KDM4C: variants seen among roughly 807,000 people sequenced by gnomAD.
The protein encoded by KDM4C is lysine-specific demethylase 4C.
A neutral mutation model predicts 129.3 loss-of-function variants in KDM4C; 81 were observed. That is an observed-to-expected ratio of 0.63 (90% CI 0.52 to 0.75). KDM4C has a LOEUF of 0.75. Ranked by LOEUF, KDM4C falls within the 30% of genes least tolerant of loss-of-function variation. KDM4C has a pLI of 0.00. For missense variants in KDM4C, 1,457 were observed against 1,304.0 expected, an observed-to-expected ratio of 1.12 and a Z score of -1.81; for synonymous variants, 573 against 456.1, an observed-to-expected ratio of 1.26 and a Z score of -3.26.
At position 6,805,089 on chromosome 9, in the gene KDM4C, C is replaced by T. The variant is rs191098492; in HGVS notation, c.145-510C>T. On this transcript the variant is annotated intron_variant, in intron 2 of 21. Transcript: ENST00000381309. ...CTAATTTTTGTATTTTTAGTAGAGG[C>T]GGGGTTTCACCATGTTATCCAGGTT... is the stretch of plus-strand genomic sequence containing the variant. Among the ~76,000 whole-genome samples, 309 of 152,056 alleles carry T rather than the reference C, an allele frequency of 2.0e-3. 3 individuals are homozygous for T. Among genetic ancestry groups the T allele is most frequent in the Non-Finnish European group, 3.4e-3 (229 of 67,960 alleles).
At chr9:6,760,425 C>T (rs115370141) in intron 1 of KDM4C, among the ~76,000 whole-genome samples, 4,175 of 143,830 alleles carry the variant, frequency 0.029, 217 homozygotes, top group African/African-American at 0.11. Context: ...TGTGTGGACG[C>T]GTGTTTTCTC....
intron 17 of KDM4C, among the ~76,000 whole-genome samples, chr9:7,087,184 A>C (rs772897386): frequency 1.6e-4 from 25 of 151,808 alleles, no homozygotes; most frequent in Admixed American, 5.9e-4. Context: ...GCGTTTAGGC[A>C]TATAACTCAG....
chr9:6,950,688 T>A lies in KDM4C; in HGVS notation c.922-30237T>A, dbSNP rs149694178. Among the ~76,000 whole-genome samples the A allele has an allele frequency of 5.7e-3, 872 of 152,342 alleles. 6 individuals are homozygous for A. The highest frequency in any genetic ancestry group is 0.02 in the African/African-American group (833 of 41,570). On this transcript the variant is annotated intron_variant, in intron 8 of 21. Coordinates refer to ENST00000381309, the MANE Select transcript of KDM4C (RefSeq NM_015061.6). Reference sequence around the variant, plus strand: ...GCCAATGTTCCCTCCTGATAACGTTTATTGTAGCTGCTTATTATCATTTAC... The same window carrying A: ...GCCAATGTTCCCTCCTGATAACGTTAATTGTAGCTGCTTATTATCATTTAC...
At chr9:6,961,730 A>T (rs757998923) in intron 8 of KDM4C, among the ~76,000 whole-genome samples, 5 of 152,238 alleles carry the variant, frequency 3.3e-5, no homozygotes, top group Non-Finnish European at 5.9e-5. Context: ...AAACAAAAAT[A>T]AAAACATGGT....
chr9:6,830,024 C>G (rs924776933), intron 4 of KDM4C, among the ~76,000 whole-genome samples: 1 of 152,156 alleles, frequency 6.6e-6, no homozygotes, highest in Admixed American at 6.5e-5. Context: ...CTCCTAGAAT[C>G]TGTTTTACAG....
intron 8 of KDM4C, among the ~76,000 whole-genome samples, chr9:6,926,582 G>C (rs762286936): frequency 3.9e-5 from 6 of 152,138 alleles, no homozygotes; most frequent in Non-Finnish European, 5.9e-5. Flanking sequence ...CTTAACCTCA[G>C]ACTCTTATTT....
At chr9:7,017,413 T>G (rs1383705838) in intron 15 of KDM4C, among the ~76,000 whole-genome samples, 1 of 152,186 alleles carries the variant, frequency 6.6e-6, no homozygotes, top group African/African-American at 2.4e-5. Flanking sequence ...TGACCTAAAT[T>G]GTTTTTCTAA....
At chr9:7,148,798 T>A (rs916358065) in intron 19 of KDM4C, among the ~76,000 whole-genome samples, 2 of 152,154 alleles carry the variant, frequency 1.3e-5, no homozygotes, top group Admixed American at 6.5e-5. Flanking sequence ...CCAAGGAGTG[T>A]CTGAGTCCAG....
intron 17 of KDM4C, among the ~76,000 whole-genome samples, chr9:7,065,309 A>C (rs1166835904): frequency 6.6e-6 from 1 of 151,968 alleles, no homozygotes; most frequent in South Asian, 2.1e-4. Flanking sequence ...ATCTTTCTTT[A>C]ATAATAAAAT....
At chr9:7,041,193 AC>A (rs1046509884) in intron 15 of KDM4C, among the ~76,000 whole-genome samples, 9 of 151,948 alleles carry the variant, frequency 5.9e-5, no homozygotes, top group Non-Finnish European at 1.3e-4. Flanking sequence ...ACATGTACAG[AC>A]TTTTTTTCCT....
chr9:6,823,251 T>C (rs1438095356), intron 4 of KDM4C, among the ~76,000 whole-genome samples: 1 of 152,230 alleles, frequency 6.6e-6, no homozygotes, highest in Non-Finnish European at 1.5e-5. Context: ...CCAGTTTAAA[T>C]GCCTCATAGC....
Position 6,925,504 on chromosome 9 carries a change from C to T in KDM4C, c.921+32272C>T, listed in dbSNP as rs576410663. The T allele has an allele frequency of 3.6e-4, 303 of 841,088 alleles. 1 individual carries two copies. The African/African-American group carries it at 5.2e-3, about 14-fold the overall frequency. 52.1% of individuals were successfully genotyped at this position (841,088 alleles called of 1,614,324 possible). A position where few individuals can be genotyped will look rare whatever the true frequency, so the allele number is the denominator to read the frequency against. Reference sequence around the variant, plus strand: ...AAGGACATATTCTCACCATCTTGCTCATGCTGCTTTCAATCTCCTGGCATC... The same window carrying T: ...AAGGACATATTCTCACCATCTTGCTTATGCTGCTTTCAATCTCCTGGCATC... On this transcript the variant is annotated intron_variant, in intron 8 of 21. Coordinates refer to ENST00000381309, the MANE Select transcript of KDM4C (RefSeq NM_015061.6).
At chr9:6,949,092 G>T (rs1293298400) in intron 8 of KDM4C, among the ~76,000 whole-genome samples, 3 of 151,728 alleles carry the variant, frequency 2.0e-5, no homozygotes, top group Middle Eastern at 3.4e-3. Flanking sequence ...CCCGGACGGG[G>T]CGGCTGGCCG....
At chr9:6,893,347 C>T in intron 8 of KDM4C, 115 bp downstream of exon 8, 1 of 726,680 alleles carries the variant, frequency 1.4e-6, no homozygotes, top group Non-Finnish European at 2.1e-6. Flanking sequence ...CGCCATGTGC[C>T]TCTCACCACA....
At chr9:6,990,191 T>G (rs1471074831) in intron 11 of KDM4C, among the ~76,000 whole-genome samples, 1 of 152,164 alleles carries the variant, frequency 6.6e-6, no homozygotes, top group African/African-American at 2.4e-5. Flanking sequence ...TAATACAAAG[T>G]GGAAGAAGAA....
intron 19 of KDM4C, among the ~76,000 whole-genome samples, chr9:7,158,722 C>T (rs555557236): frequency 6.6e-6 from 1 of 152,182 alleles, no homozygotes; most frequent in East Asian, 1.9e-4. Flanking sequence ...ACAGTGATTT[C>T]TGTGCTTTTA....
At chr9:6,907,991 A>T (rs982173633) in intron 8 of KDM4C, among the ~76,000 whole-genome samples, 2 of 151,922 alleles carry the variant, frequency 1.3e-5, no homozygotes, top group Non-Finnish European at 2.9e-5. Context: ...CGCTTCATAC[A>T]TTTTTTTTCC....
chr9:7,111,978 G>A (rs1488152517), intron 18 of KDM4C, among the ~76,000 whole-genome samples: 1 of 151,980 alleles, frequency 6.6e-6, no homozygotes, highest in African/African-American at 2.4e-5. Context: ...AGGCTTCCTG[G>A]GAGCAAGACC....
chr9:7,013,801 A>G lies in KDM4C; in HGVS notation c.1982A>G (p.Asn661Ser), dbSNP rs376001798. The change falls in exon 14 of 22, where the codon AAT (asparagine) becomes AGT (serine). Residue 661 changes from asparagine to serine, a missense_variant. By Grantham distance (46) the Asn-to-Ser change is conservative (BLOSUM62 1). Coordinates refer to ENST00000381309, the MANE Select transcript of KDM4C (RefSeq NM_015061.6). ...TATGTTTTTCAGCCAGATAGCAGCA[A>G]TGAAGAAAATGATGCTAGATGGGAG... ...LMPYHKPDSSNEENDARWETK... is the reference protein window; with the variant it reads ...LMPYHKPDSSSEENDARWETK... 2.0e-5 allele frequency: 32 copies of G among 1,613,708 alleles called. No homozygotes were observed. The highest frequency in any genetic ancestry group is 1.3e-4 in the Admixed American group (8 of 60,010).
Sources: allele counts gnomAD v4.1 joint callset (sites outside exome capture counted in the v4.1 genomes callset), GRCh38; gene constraint gnomAD v4.1.1; transcripts MANE v1.5; gene names NCBI Gene and HGNC (gene_info 2026-07-23, HGNC 2026-07-21).